FGD1: variants seen among roughly 807,000 people sequenced by gnomAD.
FGD1 encodes the protein FYVE, RhoGEF and PH domain containing 1, also known as FYVE, RhoGEF and PH domain-containing protein 1.
In FGD1, 12 loss-of-function variants were observed where a neutral mutation model predicts 65.0. The observed-to-expected ratio is 0.18, with a 90% CI of 0.12 to 0.30. FGD1 has a LOEUF of 0.30. Ranked by LOEUF, FGD1 falls within the 10% of genes least tolerant of loss-of-function variation. FGD1 has a pLI of 1.00. For synonymous variants in FGD1, 333 were observed against 343.9 expected (o/e 0.97, Z 0.35); for missense variants, 542 against 837.6 (o/e 0.65, Z 4.36).
Position 54,470,674 on chromosome X carries a change from C to T in FGD1, c.568G>A (p.Ala190Thr). ...IPPPPSRPLP[A>T]DPRVAKGLAP... ...AGGCCCTTGGCCACTCGGGGGTCGGCAGGCAGTGGGCGTGATGGTGGAGGG... is the reference window on the plus strand; with the variant it reads ...AGGCCCTTGGCCACTCGGGGGTCGGTAGGCAGTGGGCGTGATGGTGGAGGG... The change falls in exon 3 of 18, where the codon GCC becomes ACC. Residue 190 changes from alanine (A) to threonine (T), a missense_variant. Around this residue, in one of 6 missense-constraint regions of FGD1, gnomAD observed 297 missense variants for 326.8 expected, o/e 0.91. Transcript: ENST00000375135. 4.9e-6 allele frequency: 5 copies of T among 1,020,176 alleles called. No individual in the cohort carries two copies. Among genetic ancestry groups the T allele is most frequent in the Non-Finnish European group, 5.2e-6 (4 of 773,865 alleles). The allele number at this position is 1,020,176 out of a possible 1,213,427, so 84.1% of individuals were successfully genotyped here.
At chrX:54,468,732 C>T in intron 5 of FGD1, 55 bp downstream of exon 5, 2 of 894,387 alleles carry the variant, frequency 2.2e-6, no homozygotes, top group Non-Finnish European at 3.2e-6. Context: ...TCACTGCCTC[C>T]TTGAAACGCA....
intron 1 of FGD1, among the ~76,000 whole-genome samples, chrX:54,488,219 GAGATCATGCCA>G (rs962082265): frequency 1.3e-5 from 1 of 79,442 alleles, no homozygotes; most frequent in Admixed American, 1.7e-4. Context: ...GCAGTGAGCC[GAGATCATGCCA>G]CTGCACTTCA....
chrX:54,467,127 T>A (rs1922781361), intron 6 of FGD1, among the ~76,000 whole-genome samples: 1 of 110,886 alleles, frequency 9.0e-6, no homozygotes, highest in South Asian at 3.8e-4. Context: ...TAGGCCGTTA[T>A]TATTTCCCCC....
In FGD1 at chrX:54,470,433, A is replaced by G. The variant is rs1218887711; in HGVS notation, c.684T>C (p.Asp228=). 1 of 1,206,314 alleles carries G rather than the reference A, an allele frequency of 8.3e-7. No homozygotes were observed. Among genetic ancestry groups the G allele is most frequent in the Non-Finnish European group, 1.1e-6 (1 of 894,803 alleles). The change falls in exon 4 of 18, where the codon GAT becomes GAC. Residue 228 remains aspartate (D), a synonymous_variant. Coordinates refer to ENST00000375135, the MANE Select transcript of FGD1 (RefSeq NM_004463.3). ...CTGGGCTGGGGCCAGGGACTGGTCT[A>G]TCCGAGGCGACAATCACAGGCTCTC... ...FEREPVIVAS[D]RPVPGPSPGP...
chrX:54,465,600 CA>C lies in FGD1; in HGVS notation c.1498-12del. ...ACAGGCTTCCTCCTTCTGTGACAGG[CA>C]GAAGCAGAGGGGCTCAGATCTGGCT... On this transcript the variant is annotated splice_polypyrimidine_tract_variant and intron_variant, in intron 7 of 17. Coordinates refer to ENST00000375135, the MANE Select transcript of FGD1 (RefSeq NM_004463.3). 8.3e-7 allele frequency: 1 copy of C among 1,209,390 alleles called. No individual in the cohort carries two copies. The highest frequency in any genetic ancestry group is 1.1e-6 in the Non-Finnish European group (1 of 894,466).
At chrX:54,482,236 G>GCGCGCGCGCACACACACACACA (rs796491256) in intron 1 of FGD1, among the ~76,000 whole-genome samples, 7 of 99,390 alleles carry the variant, frequency 7.0e-5, no homozygotes, top group Admixed American at 4.3e-4. Flanking sequence ...GCACACGCGC[G>GCGCGCGCGCACACACACACACA]CACACACACA....
intron 1 of FGD1, among the ~76,000 whole-genome samples, chrX:54,494,427 T>TC (rs1479653789): frequency 5.5e-5 from 5 of 90,987 alleles, no homozygotes; most frequent in Admixed American, 1.2e-4. Flanking sequence ...TTTTTTTTTT[T>TC]CCGCTCATAC....
chrX:54,487,285 T>C (rs934622326), intron 1 of FGD1, among the ~76,000 whole-genome samples: 11 of 111,951 alleles, frequency 9.8e-5, no homozygotes, highest in African/African-American at 3.2e-4. Context: ...TACTGAATAA[T>C]TCATCTGAGT....
chrX:54,466,568 A>G (rs1222199876), intron 6 of FGD1, among the ~76,000 whole-genome samples: 2 of 111,111 alleles, frequency 1.8e-5, no homozygotes, highest in Non-Finnish European at 3.8e-5. Context: ...TTGCCCTTCT[A>G]CCTCAGGACT....
At chrX:54,490,406 CA>C (rs1023561977) in intron 1 of FGD1, among the ~76,000 whole-genome samples, 10 of 109,505 alleles carry the variant, frequency 9.1e-5, no homozygotes, top group African/African-American at 2.3e-4. Flanking sequence ...AAATGTTGTT[CA>C]AAAAAAATAA....
At position 54,450,307 on chromosome X, in the gene FGD1, G is replaced by A. The variant is rs1922348103; in HGVS notation, c.2016-6C>T. The A allele has an allele frequency of 8.3e-7, 1 of 1,206,906 alleles. No homozygotes were observed. Among genetic ancestry groups the A allele is most frequent in the African/African-American group, 1.8e-5 (1 of 56,834 alleles). ...CTTTCTTCTCCTCCTCAGTCCTTGG[G>A]GTGGGGAATAAAAAAGAAAGATGTT... On this transcript the variant is annotated splice_polypyrimidine_tract_variant and splice_region_variant and intron_variant, in intron 12 of 17. Coordinates refer to ENST00000375135, the MANE Select transcript of FGD1 (RefSeq NM_004463.3).
At position 54,460,441 on chromosome X, in the gene FGD1, A is replaced by G. The variant is rs189297123; in HGVS notation, c.1637-3874T>C. ...GCGAAAGAGCGAGACTCAGTCTCAAAAAAAATAAAAATAAAAATAGGCTGG... is the reference window on the plus strand; with the variant it reads ...GCGAAAGAGCGAGACTCAGTCTCAAGAAAAATAAAAATAAAAATAGGCTGG... On this transcript the variant is annotated intron_variant, in intron 8 of 17. Coordinates refer to ENST00000375135, the MANE Select transcript of FGD1 (RefSeq NM_004463.3). 2.6e-3 allele frequency among the ~76,000 whole-genome samples: 282 copies of G among 110,214 alleles called. 1 individual carries two copies. Among genetic ancestry groups the G allele is most frequent in the African/African-American group, 9.0e-3 (274 of 30,295 alleles).
At chrX:54,471,187 C>T in intron 2 of FGD1, 127 bp downstream of exon 2, 1 of 727,460 alleles carries the variant, frequency 1.4e-6, no homozygotes. Flanking sequence ...AGGTAGGTAG[C>T]ACTGCCCTGG....
In FGD1 at chrX:54,445,472, A is replaced by C; in HGVS notation, c.*637T>G. The C allele has an allele frequency of 9.2e-6, 1 of 108,126 alleles. No individual in the cohort carries two copies. The highest frequency in any genetic ancestry group is 9.8e-5 in the Admixed American group (1 of 10,203). 8.9% of individuals were successfully genotyped at this position (108,126 alleles called of 1,213,427 possible). A position where few individuals can be genotyped will look rare whatever the true frequency, so the allele number is the denominator to read the frequency against. On this transcript the variant is annotated 3_prime_UTR_variant, in exon 18 of 18. Transcript: ENST00000375135. ...ATGAAAGTTACTGTAAGCCTGAAAT[A>C]AACTGTATTTTTCTTAAAAAAAAAA...
intron 8 of FGD1, among the ~76,000 whole-genome samples, chrX:54,458,299 A>G (rs1409939998): frequency 9.0e-6 from 1 of 110,995 alleles, no homozygotes; most frequent in Non-Finnish European, 1.9e-5. Flanking sequence ...CTGTAATCCC[A>G]ATACTTTAGG....
chrX:54,470,742 TA>T lies in FGD1; in HGVS notation c.499del (p.Tyr167ThrfsTer48). 9.2e-7 allele frequency: 1 copy of T among 1,083,751 alleles called. No homozygotes were observed. The highest frequency in any genetic ancestry group is 1.2e-6 in the Non-Finnish European group (1 of 803,610). The allele number at this position is 1,083,751 out of a possible 1,213,427, so 89.3% of individuals were successfully genotyped here. On this transcript the variant is annotated frameshift_variant, in exon 3 of 18. Transcript: ENST00000375135. LOFTEE classifies it high-confidence loss of function. ...GGGGGGCATCCGGGGCATCTGCAGG[TA>T]GCTGGGCTTTGGGGGCACTGGAGAG... is the stretch of plus-strand genomic sequence containing the variant. ...PKPQVPPKPSYLQMPRMPPPL... is the reference protein window; with the variant it reads ...PKPQVPPKPSXLQMPRMPPPL...
intron 1 of FGD1, among the ~76,000 whole-genome samples, chrX:54,486,422 A>G (rs1413596837): frequency 9.0e-6 from 1 of 110,722 alleles, no homozygotes; most frequent in African/African-American, 3.3e-5. Context: ...CTAATTTTGT[A>G]TTTTTAGTAG....
chrX:54,449,834 C>T (rs746687912), intron 13 of FGD1, 74 bp from the exon 14 acceptor site: 123 of 730,496 alleles, frequency 1.7e-4, no homozygotes, highest in South Asian at 1.3e-4. Flanking sequence ...GCCTCACCTT[C>T]GTATACCCTA....
intron 14 of FGD1, 136 bp from the exon 15 acceptor site, chrX:54,449,404 A>T: frequency 1.3e-6 from 1 of 790,926 alleles, no homozygotes; most frequent in Non-Finnish European, 1.9e-6. Context: ...CCACATTCAG[A>T]AGACCTGCCT....
Sources: allele counts gnomAD v4.1 joint callset (sites outside exome capture counted in the v4.1 genomes callset), GRCh38; gene constraint gnomAD v4.1.1; regional missense constraint gnomAD v4.1.1; transcripts MANE v1.5; gene names NCBI Gene and HGNC (gene_info 2026-07-23, HGNC 2026-07-21).